The following PALS2 variants were observed in gnomAD, a reference collection of about 807,000 sequenced individuals.
PALS2 encodes protein PALS2.
A neutral mutation model predicts 61.6 loss-of-function variants in PALS2; 27 were observed. That is an observed-to-expected ratio of 0.44 (90% CI 0.32 to 0.60). The LOEUF (loss-of-function observed/expected upper bound fraction) is 0.60. Ranked by LOEUF, PALS2 falls within the 20% of genes least tolerant of loss-of-function variation. The probability of loss-of-function intolerance (pLI) is 0.05; values close to 1 mark genes in which losing one functional copy is unlikely to be tolerated. For synonymous variants in PALS2, 236 were observed against 218.6 expected (o/e 1.08, Z -0.70); for missense variants, 554 against 639.4 (o/e 0.87, Z 1.44).
At chr7:24,680,309 A>G in intron 10 of PALS2, 83 bp from the exon 11 acceptor site, 1 of 1,378,488 alleles carries the variant, frequency 7.3e-7, no homozygotes, top group South Asian at 1.3e-5. Context: ...ACAAGTGCAA[A>G]CAGCCTTTGA....
At position 24,640,828 on chromosome 7, in the gene PALS2, G is replaced by A. The variant is rs569393659; in HGVS notation, c.118-888G>A. On this transcript the variant is annotated intron_variant, in intron 2 of 11. Transcript: ENST00000222644. Reference sequence around the variant, plus strand: ...TCAAGACCATCCTGGCTAACATGGTGAAACCCTGTCTCTACTAAAAATACA... The same window carrying A: ...TCAAGACCATCCTGGCTAACATGGTAAAACCCTGTCTCTACTAAAAATACA... Among the ~76,000 whole-genome samples, 13 of 152,040 alleles carry A rather than the reference G, an allele frequency of 8.6e-5. 1 individual carries two copies. In the South Asian group the frequency reaches 2.5e-3, roughly 29 times the overall value.
At chr7:24,598,330 AT>A (rs1351485434) in intron 1 of PALS2, among the ~76,000 whole-genome samples, 3 of 152,146 alleles carry the variant, frequency 2.0e-5, no homozygotes, top group Non-Finnish European at 4.4e-5. Flanking sequence ...AGTTCATTTT[AT>A]TACCAGTATT....
At chr7:24,681,017 T>G (rs141950254) in intron 11 of PALS2, among the ~76,000 whole-genome samples, 7 of 152,310 alleles carry the variant, frequency 4.6e-5, no homozygotes, top group Admixed American at 1.3e-4. Context: ...ATTGTACACT[T>G]TATTTTAAAT....
chr7:24,644,305 T>C (rs1014196073), intron 3 of PALS2, among the ~76,000 whole-genome samples: 1 of 151,960 alleles, frequency 6.6e-6, no homozygotes, highest in Non-Finnish European at 1.5e-5. Context: ...TCCCTTCTTG[T>C]TGTTCATAAG....
chr7:24,583,952 A>G (rs563365761), intron 1 of PALS2, among the ~76,000 whole-genome samples: 6 of 150,824 alleles, frequency 4.0e-5, no homozygotes, highest in East Asian at 1.9e-4. Flanking sequence ...GAGAATGATG[A>G]TTTCCAATTT....
At chr7:24,681,198 A>G (rs368274212) in intron 11 of PALS2, among the ~76,000 whole-genome samples, 3 of 152,006 alleles carry the variant, frequency 2.0e-5, no homozygotes, top group East Asian at 1.9e-4. Flanking sequence ...TTTAGTTTCT[A>G]TTACATGTTT....
In PALS2 at chr7:24,675,262, C is replaced by T. The variant is rs549867904; in HGVS notation, c.1115-3869C>T. Among the ~76,000 whole-genome samples, 34 of 151,812 alleles carry T rather than the reference C, an allele frequency of 2.2e-4. No homozygotes were observed. In the South Asian group the frequency reaches 5.0e-3, roughly 22 times the overall value. On this transcript the variant is annotated intron_variant, in intron 9 of 11. Transcript: ENST00000222644. ...ATATGGTTTCACTGTAGGACTTCAC[C>T]GAAAAAACATTAATTTTTAAAATTA... is the stretch of plus-strand genomic sequence containing the variant.
intron 2 of PALS2, among the ~76,000 whole-genome samples, chr7:24,631,576 A>T (rs1407135289): frequency 6.6e-6 from 1 of 152,228 alleles, no homozygotes; most frequent in African/African-American, 2.4e-5. Context: ...AATTGACTCC[A>T]ATTTTGAAAG....
chr7:24,631,706 C>G (rs761715835), intron 2 of PALS2, among the ~76,000 whole-genome samples: 4 of 152,256 alleles, frequency 2.6e-5, no homozygotes, highest in Non-Finnish European at 4.4e-5. Context: ...ATTGCCACAG[C>G]CACCCAAGCC....
chr7:24,674,897 T>C (rs1207606535), intron 9 of PALS2, among the ~76,000 whole-genome samples: 1 of 152,192 alleles, frequency 6.6e-6, no homozygotes, highest in Non-Finnish European at 1.5e-5. Context: ...ACTTTGTTGA[T>C]TGTGTCTTCA....
At chr7:24,634,916 A>G (rs1025196426) in intron 2 of PALS2, among the ~76,000 whole-genome samples, 5 of 152,134 alleles carry the variant, frequency 3.3e-5, no homozygotes. Flanking sequence ...TTTACTTTCA[A>G]TTCTATTCCA....
At position 24,693,942 on chromosome 7, in the gene PALS2, A is replaced by C. The variant is rs1180983524; in HGVS notation, c.*6328A>C. 1.3e-5 allele frequency: 2 copies of C among 152,070 alleles called. No homozygotes were observed. Among genetic ancestry groups the C allele is most frequent in the African/African-American group, 4.8e-5 (2 of 41,392 alleles). 9.4% of individuals were successfully genotyped at this position (152,070 alleles called of 1,614,324 possible). On this transcript the variant is annotated 3_prime_UTR_variant, in exon 12 of 12. Transcript: ENST00000222644. ...GTTTTGGTAAGTCTTTTATTTGAACACAAGACGCATGCTTTTTTAAACCTC... is the reference window on the plus strand; with the variant it reads ...GTTTTGGTAAGTCTTTTATTTGAACCCAAGACGCATGCTTTTTTAAACCTC...
chr7:24,677,493 A>AT (rs1787677886), intron 9 of PALS2, among the ~76,000 whole-genome samples: 1 of 151,708 alleles, frequency 6.6e-6, no homozygotes, highest in African/African-American at 2.4e-5. Context: ...ATTCAGTATG[A>AT]TATTGGCTGT....
rs962277193 is a variant in PALS2 at position 24,692,716 on chromosome 7, C to T, written c.*5102C>T. ...CAAATCCTTGCTGCCAACCAGACCA[C>T]TCACAAATCAAACAAAATGTAAGCA... On this transcript the variant is annotated 3_prime_UTR_variant, in exon 12 of 12. Transcript: ENST00000222644. The T allele has an allele frequency of 6.6e-6, 1 of 152,144 alleles. No homozygotes were observed. The highest frequency in any genetic ancestry group is 1.5e-5 in the Non-Finnish European group (1 of 68,002). The allele number at this position is 152,144 out of a possible 1,614,324, so 9.4% of individuals were successfully genotyped here. A position where few individuals can be genotyped will look rare whatever the true frequency, so the allele number is the denominator to read the frequency against.
intron 1 of PALS2, among the ~76,000 whole-genome samples, chr7:24,588,129 A>C (rs1199833673): frequency 1.3e-5 from 2 of 152,200 alleles, no homozygotes; most frequent in Non-Finnish European, 2.9e-5. Context: ...AACTGACAGC[A>C]GTGCGAAGAT....
chr7:24,650,839 A>G, intron 5 of PALS2, 127 bp downstream of exon 5: 1 of 680,726 alleles, frequency 1.5e-6, no homozygotes, highest in Non-Finnish European at 2.3e-6. Flanking sequence ...GTGTTCTGAA[A>G]TGGCTTATTT....
intron 3 of PALS2, among the ~76,000 whole-genome samples, chr7:24,647,509 T>A (rs1387327775): frequency 1.3e-5 from 2 of 152,318 alleles, no homozygotes; most frequent in Admixed American, 6.5e-5. Context: ...TCAGCTCTAA[T>A]TTTTGTTATT....
rs538151035 is a variant in PALS2, at chr7:24,682,756, C to G, written c.1446+2236C>G. Among the ~76,000 whole-genome samples, 4 of 152,268 alleles carry G rather than the reference C, an allele frequency of 2.6e-5. No individual in the cohort carries two copies. The South Asian group carries it at 6.2e-4, about 24-fold the overall frequency. On this transcript the variant is annotated intron_variant, in intron 11 of 11. Coordinates refer to ENST00000222644, the MANE Select transcript of PALS2 (RefSeq NM_001303037.2). ...TAAATTCTCACTGCCACCCTCCCTT[C>G]CCTCTCTTTTCACATTGTACTTTAG... is the stretch of plus-strand genomic sequence containing the variant.
chr7:24,691,459 A>G lies in PALS2; in HGVS notation c.*3845A>G, dbSNP rs1249548443. On this transcript the variant is annotated 3_prime_UTR_variant, in exon 12 of 12. Coordinates refer to ENST00000222644, the MANE Select transcript of PALS2 (RefSeq NM_001303037.2). The stretch of plus-strand genomic sequence containing the variant: ...TATATATATATACAGCTATGTGTAT[A>G]ATATGTAAAATTCTCCCAAAATGTA... 2 of 140,346 alleles carry G rather than the reference A, an allele frequency of 1.4e-5. No individual in the cohort carries two copies. Among genetic ancestry groups the G allele is most frequent in the African/African-American group, 5.2e-5 (2 of 38,278 alleles). 8.7% of individuals were successfully genotyped at this position (140,346 alleles called of 1,614,324 possible). A position where few individuals can be genotyped will look rare whatever the true frequency, so the allele number is the denominator to read the frequency against.
Sources: gnomAD v4.1 joint callset for allele counts (sites outside exome capture counted in the v4.1 genomes callset) on GRCh38, gnomAD v4.1.1 for gene constraint, MANE v1.5 for transcripts, NCBI Gene and HGNC (gene_info 2026-07-23, HGNC 2026-07-21) for gene names.